CAST: variants seen among roughly 807,000 people sequenced by gnomAD.
CAST encodes the protein calpastatin.
In CAST, 76 loss-of-function variants were observed where a neutral mutation model predicts 119.6. That is an observed-to-expected ratio of 0.64 (90% CI 0.53 to 0.77). The LOEUF (loss-of-function observed/expected upper bound fraction) is 0.77. Ranked by LOEUF, CAST falls within the 30% of genes least tolerant of loss-of-function variation. CAST has a pLI of 0.00. For synonymous variants in CAST, 319 were observed against 331.6 expected (o/e 0.96, Z 0.41); for missense variants, 953 against 946.5 (o/e 1.01, Z -0.09).
At chr5:96,372,421 T>C in the CAST span, among the ~76,000 whole-genome samples, 1 of 152,176 alleles carries the variant, frequency 6.6e-6, no homozygotes, top group Non-Finnish European at 1.5e-5. Flanking sequence ...ATCATCATGG[T>C]GGTTGCCCTC....
chr5:96,470,930 T>C, the CAST span, among the ~76,000 whole-genome samples: 1 of 152,214 alleles, frequency 6.6e-6, no homozygotes, highest in Non-Finnish European at 1.5e-5. Flanking sequence ...TGAGATTCAG[T>C]GCTCAGTGAA....
chr5:96,398,508 T>C, the CAST span, among the ~76,000 whole-genome samples: 1 of 152,206 alleles, frequency 6.6e-6, no homozygotes. Flanking sequence ...AATGGACTCC[T>C]TGTATGTTTC....
In CAST at chr5:96,645,107, C is replaced by T. The variant is rs145620075; in HGVS notation, c.61-30432C>T. On this transcript the variant is annotated intron_variant, in intron 1 of 11. Coordinates refer to the CAST transcript ENST00000505143. ...CTATATTTAGTCATCATGTCCCCTT[C>T]GACTCCTCTGGGGCCTGTGACAGTT... 1.4e-4 allele frequency among the ~76,000 whole-genome samples: 22 copies of T among 152,316 alleles called. 2 individuals are homozygous for T. The East Asian group carries it at 2.9e-3, about 20-fold the overall frequency.
chr5:96,748,377 A>G (rs182548093), intron 18 of CAST, 141 bp from the exon 19 acceptor site: 85 of 433,916 alleles, frequency 2.0e-4, no homozygotes, highest in African/African-American at 1.6e-3. Flanking sequence ...AAATGAAAAA[A>G]TATGCCCTTT....
At chr5:96,228,003 CTGTG>C in the CAST span, among the ~76,000 whole-genome samples, 5,786 of 146,536 alleles carry the variant, frequency 0.039, 349 homozygotes, top group African/African-American at 0.14. Context: ...CTTTCTCTCT[CTGTG>C]TGTGTGTGTG....
At chr5:96,333,021 C>T in the CAST span, among the ~76,000 whole-genome samples, 1 of 152,140 alleles carries the variant, frequency 6.6e-6, no homozygotes, top group Non-Finnish European at 1.5e-5. Context: ...GGACCTGGGG[C>T]TTGAGCTGCC....
chr5:96,205,584 G>A, the CAST span, among the ~76,000 whole-genome samples: 4 of 152,030 alleles, frequency 2.6e-5, no homozygotes, highest in Non-Finnish European at 5.9e-5. Flanking sequence ...TTCTGTTACT[G>A]TGTTAGTTCA....
the CAST span, among the ~76,000 whole-genome samples, chr5:96,379,147 A>G: frequency 6.6e-6 from 1 of 152,178 alleles, no homozygotes; most frequent in Non-Finnish European, 1.5e-5. Flanking sequence ...TGAGCTTTTG[A>G]TACCAGTGAA....
intron 1 of CAST, among the ~76,000 whole-genome samples, chr5:96,618,353 G>A (rs111281774): frequency 0.094 from 14,360 of 152,262 alleles, 784 homozygotes; most frequent in South Asian, 0.16. Context: ...ATGTGACAAC[G>A]TGCTAGCAGC....
intron 7 of CAST, 64 bp from the exon 8 acceptor site, chr5:96,729,548 T>C: frequency 1.3e-6 from 1 of 752,844 alleles, no homozygotes; most frequent in South Asian, 1.4e-5. Flanking sequence ...GTATTATGTT[T>C]AAGACTACCA....
chr5:96,239,117 A>C, the CAST span, among the ~76,000 whole-genome samples: 2 of 152,268 alleles, frequency 1.3e-5, no homozygotes, highest in African/African-American at 4.8e-5. Flanking sequence ...ATAAAACTAT[A>C]ATTTTTAACA....
the CAST span, among the ~76,000 whole-genome samples, chr5:96,307,292 T>C: frequency 4.3e-3 from 649 of 152,292 alleles, 4 homozygotes; most frequent in Middle Eastern, 0.01. Flanking sequence ...TTTTTTGCCT[T>C]CCATGTTCTC....
At chr5:96,317,090 C>T in the CAST span, among the ~76,000 whole-genome samples, 1 of 152,066 alleles carries the variant, frequency 6.6e-6, no homozygotes, top group African/African-American at 2.4e-5. Context: ...AGATACTTGT[C>T]CAGCTTGAAC....
chr5:96,323,808 G>T, the CAST span, among the ~76,000 whole-genome samples: 443 of 152,298 alleles, frequency 2.9e-3, 1 homozygote, highest in Non-Finnish European at 4.6e-3. Context: ...GAAACCAGGG[G>T]CCCTGAAGAG....
chr5:96,180,008 G>C, the CAST span, among the ~76,000 whole-genome samples: 1 of 151,652 alleles, frequency 6.6e-6, no homozygotes, highest in East Asian at 1.9e-4. Flanking sequence ...GGGAGACAGA[G>C]CGAGACTCCA....
chr5:96,054,749 G>A, the CAST span, among the ~76,000 whole-genome samples: 4 of 152,128 alleles, frequency 2.6e-5, no homozygotes, highest in African/African-American at 9.7e-5. Context: ...TTGAGTGAGT[G>A]CATTTTCCTT....
At chr5:96,082,040 A>C in the CAST span, among the ~76,000 whole-genome samples, 1 of 152,064 alleles carries the variant, frequency 6.6e-6, no homozygotes, top group Admixed American at 6.5e-5. Flanking sequence ...CAGCCTCCCA[A>C]GTAGCTGGAA....
chr5:96,441,748 C>T, the CAST span, among the ~76,000 whole-genome samples: 1 of 152,142 alleles, frequency 6.6e-6, no homozygotes, highest in African/African-American at 2.4e-5. Context: ...TCATGAGGCA[C>T]ACAGAGAAAA....
the CAST span, among the ~76,000 whole-genome samples, chr5:96,109,703 A>G: frequency 6.6e-6 from 1 of 152,168 alleles, no homozygotes. Context: ...TGTGTGGCAA[A>G]GTTGTCTGGT....
Sources: allele counts gnomAD v4.1 joint callset (sites outside exome capture counted in the v4.1 genomes callset), GRCh38; gene constraint gnomAD v4.1.1; transcripts MANE v1.5; gene names NCBI Gene and HGNC (gene_info 2026-07-23, HGNC 2026-07-21).